The following MSRA variants were observed in gnomAD, a reference collection of about 807,000 sequenced individuals.
MSRA encodes mitochondrial peptide methionine sulfoxide reductase.
In MSRA, 54 loss-of-function variants were observed where a neutral mutation model predicts 31.3. The observed-to-expected ratio is 1.73, with a 90% CI of 1.39 to 2.17. MSRA has a LOEUF of 2.17. MSRA is among the 30% of genes most tolerant of loss of function. The pLI is 0.00. For synonymous variants in MSRA, 169 were observed against 116.5 expected (o/e 1.45, Z -2.90); for missense variants, 507 against 300.9 (o/e 1.69, Z -5.07).
intron 1 of MSRA, among the ~76,000 whole-genome samples, chr8:10,074,457 C>A (rs969128857): frequency 7.2e-5 from 11 of 151,996 alleles, no homozygotes; most frequent in Non-Finnish European, 1.5e-4. Context: ...TGAAGTATGA[C>A]CTGAGTCTCT....
At chr8:10,061,332 C>A (rs556362728) in intron 1 of MSRA, among the ~76,000 whole-genome samples, 1 of 152,072 alleles carries the variant, frequency 6.6e-6, no homozygotes, top group African/African-American at 2.4e-5. Context: ...CCTGTATTGT[C>A]CATATATCCT....
chr8:10,107,108 T>A (rs979222300), intron 1 of MSRA, among the ~76,000 whole-genome samples: 1 of 152,150 alleles, frequency 6.6e-6, no homozygotes, highest in Non-Finnish European at 1.5e-5. Flanking sequence ...GGTGAAGGAC[T>A]ACAGATCAGT....
chr8:10,094,182 T>C (rs1453060355), intron 1 of MSRA, among the ~76,000 whole-genome samples: 1 of 152,234 alleles, frequency 6.6e-6, no homozygotes, highest in African/African-American at 2.4e-5. Context: ...GATATCTCTG[T>C]AGCATTTTAT....
intron 1 of MSRA, among the ~76,000 whole-genome samples, chr8:10,157,324 G>A (rs114162363): frequency 0.019 from 2,926 of 152,238 alleles, 83 homozygotes; most frequent in African/African-American, 0.065. Flanking sequence ...CCTGGCTTCT[G>A]CTTCCAGTTC....
intron 1 of MSRA, among the ~76,000 whole-genome samples, chr8:10,139,620 T>C (rs1802539028): frequency 6.6e-6 from 1 of 152,252 alleles, no homozygotes; most frequent in Non-Finnish European, 1.5e-5. Flanking sequence ...ACATACAGTC[T>C]TTGACTTTGT....
intron 2 of MSRA, among the ~76,000 whole-genome samples, chr8:10,235,966 G>A (rs1204154157): frequency 6.6e-6 from 1 of 152,134 alleles, no homozygotes; most frequent in Non-Finnish European, 1.5e-5. Context: ...AAGATTTACT[G>A]AAAGATGATT....
intron 2 of MSRA, among the ~76,000 whole-genome samples, chr8:10,235,832 C>A (rs1811889166): frequency 6.6e-6 from 1 of 151,978 alleles, no homozygotes; most frequent in Non-Finnish European, 1.5e-5. Flanking sequence ...ACCTTGATAC[C>A]AATTCTGGAC....
At chr8:10,208,665 T>TA (rs1809223425) in intron 2 of MSRA, among the ~76,000 whole-genome samples, 1 of 152,166 alleles carries the variant, frequency 6.6e-6, no homozygotes, top group Non-Finnish European at 1.5e-5. Flanking sequence ...ATCCCTGTGT[T>TA]ACCCACTGAA....
At chr8:10,303,333 T>C (rs1800949235) in intron 4 of MSRA, among the ~76,000 whole-genome samples, 2 of 152,186 alleles carry the variant, frequency 1.3e-5, no homozygotes, top group South Asian at 2.1e-4. Flanking sequence ...CACATCTTCA[T>C]TGATTAATTG....
chr8:10,207,815 C>CTTT lies in MSRA; in HGVS notation c.143-7_143-5dup. The CTTT allele has an allele frequency of 3.8e-5, 50 of 1,300,970 alleles. No individual in the cohort carries two copies. Among genetic ancestry groups the CTTT allele is most frequent in the Admixed American group, 4.1e-5 (2 of 48,908 alleles). 80.6% of individuals were successfully genotyped at this position (1,300,970 alleles called of 1,614,324 possible). A position where few individuals can be genotyped will look rare whatever the true frequency, so the allele number is the denominator to read the frequency against. On this transcript the variant is annotated splice_polypyrimidine_tract_variant and intron_variant, in intron 1 of 5. Transcript: ENST00000317173. ...GAACTTTACACTTAAACTTGCATTT[C>CTTT]TTTTTTTTTTTTTCTAGCCAAACAT... is the stretch of plus-strand genomic sequence containing the variant.
intron 5 of MSRA, among the ~76,000 whole-genome samples, chr8:10,339,068 C>T (rs138916972): frequency 6.6e-6 from 1 of 152,272 alleles, no homozygotes; most frequent in African/African-American, 2.4e-5. Context: ...GGTTTGTTCC[C>T]TTGTTCTTAT....
chr8:10,307,064 G>T (rs1801178134), intron 4 of MSRA, among the ~76,000 whole-genome samples: 1 of 152,130 alleles, frequency 6.6e-6, no homozygotes, highest in Non-Finnish European at 1.5e-5. Context: ...AATGTTAGTG[G>T]CGGTATTTGG....
intron 3 of MSRA, among the ~76,000 whole-genome samples, chr8:10,265,189 A>G (rs186699980): frequency 6.6e-6 from 1 of 152,294 alleles, no homozygotes; most frequent in Non-Finnish European, 1.5e-5. Flanking sequence ...AGATGCTAAT[A>G]TGCTCTGCAG....
At chr8:10,074,660 C>G (rs1484344331) in intron 1 of MSRA, among the ~76,000 whole-genome samples, 1 of 151,914 alleles carries the variant, frequency 6.6e-6, no homozygotes, top group East Asian at 1.9e-4. Flanking sequence ...TTCTTCTTTT[C>G]TTTTCTTTTC....
chr8:10,418,036 C>G (rs942326539), intron 5 of MSRA, among the ~76,000 whole-genome samples: 1 of 152,110 alleles, frequency 6.6e-6, no homozygotes, highest in African/African-American at 2.4e-5. Flanking sequence ...CTCTTAGAAG[C>G]CCGACCCTAA....
rs62490328 is a variant in MSRA, at chr8:10,323,540, C to T, written c.543+3551C>T. 9.2e-3 allele frequency among the ~76,000 whole-genome samples: 1,396 copies of T among 152,152 alleles called. 8 individuals carry two copies. Among genetic ancestry groups the T allele is most frequent in the Non-Finnish European group, 0.013 (872 of 68,016 alleles). ...GTTTCTATCCCATTGTAGTTTCTACCCTCAGTTTTGAGGGGAACCCACGTT... is the reference window on the plus strand; with the variant it reads ...GTTTCTATCCCATTGTAGTTTCTACTCTCAGTTTTGAGGGGAACCCACGTT... On this transcript the variant is annotated intron_variant, in intron 5 of 5. Coordinates refer to ENST00000317173, the MANE Select transcript of MSRA (RefSeq NM_012331.5).
At chr8:10,426,704 T>C (rs1330133040) in intron 5 of MSRA, among the ~76,000 whole-genome samples, 2 of 152,250 alleles carry the variant, frequency 1.3e-5, no homozygotes, top group Non-Finnish European at 2.9e-5. Flanking sequence ...CAGTATCTGA[T>C]ACACACTTTT....
At chr8:10,074,616 C>T (rs1052301329) in intron 1 of MSRA, among the ~76,000 whole-genome samples, 1 of 152,222 alleles carries the variant, frequency 6.6e-6, no homozygotes, top group Non-Finnish European at 1.5e-5. Context: ...TGATCTCTCC[C>T]CAGAACATGG....
At chr8:10,132,239 T>A (rs1308862123) in intron 1 of MSRA, among the ~76,000 whole-genome samples, 1 of 152,222 alleles carries the variant, frequency 6.6e-6, no homozygotes, top group African/African-American at 2.4e-5. Context: ...CAAAAAAAGT[T>A]TGGACTTTCA....
Sources: allele counts gnomAD v4.1 joint callset (sites outside exome capture counted in the v4.1 genomes callset), GRCh38; gene constraint gnomAD v4.1.1; transcripts MANE v1.5; gene names NCBI Gene and HGNC (gene_info 2026-07-23, HGNC 2026-07-21).